EDEM3: variants seen among roughly 807,000 people sequenced by gnomAD.
EDEM3 encodes the protein ER degradation-enhancing alpha-mannosidase-like protein 3.
EDEM3 carries 60 observed loss-of-function variants against 110.2 expected under a neutral mutation model. The ratio of observed to expected loss-of-function variants is 0.54; its 90% confidence interval spans 0.44 to 0.67. The LOEUF is 0.67. EDEM3 is among the 30% of genes least tolerant of loss of function. The pLI, the probability that EDEM3 is intolerant of heterozygous loss-of-function variation, is 0.00. For missense variants in EDEM3, 996 were observed against 1,121.0 expected, an observed-to-expected ratio of 0.89 and a Z score of 1.59; for synonymous variants, 352 against 382.9, an observed-to-expected ratio of 0.92 and a Z score of 0.94.
intron 1 of EDEM3, among the ~76,000 whole-genome samples, chr1:184,753,799 T>G (rs989683373): frequency 1.3e-5 from 2 of 152,236 alleles, no homozygotes; most frequent in Non-Finnish European, 2.9e-5. Context: ...CATTTCCTAC[T>G]GGTTCTTCGC....
intron 2 of EDEM3, among the ~76,000 whole-genome samples, chr1:184,738,153 T>C (rs967321441): frequency 1.3e-5 from 2 of 152,246 alleles, no homozygotes; most frequent in Non-Finnish European, 2.9e-5. Context: ...GTTACAGATG[T>C]ACTCTATTCT....
chr1:184,732,659 A>G (rs1048796937), intron 6 of EDEM3, 178 bp downstream of exon 6: 7 of 624,112 alleles, frequency 1.1e-5, no homozygotes, highest in Non-Finnish European at 1.8e-5. Context: ...TCTAATTATC[A>G]CATCACTTAG....
chr1:184,730,863 G>GAAA (rs758387778), intron 6 of EDEM3, among the ~76,000 whole-genome samples: 2 of 120,736 alleles, frequency 1.7e-5, no homozygotes, highest in Non-Finnish European at 3.6e-5. Flanking sequence ...GGCATGGAAT[G>GAAA]AAAAAAAAAA....
chr1:184,737,521 C>T, intron 3 of EDEM3, 90 bp downstream of exon 3: 1 of 1,204,414 alleles, frequency 8.3e-7, no homozygotes, highest in South Asian at 1.4e-5. Context: ...TTAGCCAATC[C>T]CTAGAAATAT....
At chr1:184,713,187 A>AT (rs1650354029) in intron 13 of EDEM3, among the ~76,000 whole-genome samples, 2 of 152,040 alleles carry the variant, frequency 1.3e-5, no homozygotes, top group Admixed American at 6.6e-5. Flanking sequence ...AATCACTTGA[A>AT]CCCAGGAGAT....
chr1:184,697,113 A>G (rs1256214328), intron 19 of EDEM3, among the ~76,000 whole-genome samples: 1 of 151,922 alleles, frequency 6.6e-6, no homozygotes, highest in Admixed American at 6.6e-5. Flanking sequence ...ATAAATAGTT[A>G]AAATATAATC....
At chr1:184,699,303 C>T (rs1649489245) in intron 19 of EDEM3, among the ~76,000 whole-genome samples, 1 of 151,608 alleles carries the variant, frequency 6.6e-6, no homozygotes, top group East Asian at 1.9e-4. Flanking sequence ...TAAAAGGACA[C>T]CCTTAAATTT....
chr1:184,739,462 G>C (rs1357167692), intron 2 of EDEM3, among the ~76,000 whole-genome samples: 1 of 151,262 alleles, frequency 6.6e-6, no homozygotes, highest in Non-Finnish European at 1.5e-5. Context: ...GGAGAACTTT[G>C]ATATTTCCTT....
intron 6 of EDEM3, 192 bp downstream of exon 6, chr1:184,732,645 C>T (rs1651591948): frequency 3.4e-6 from 2 of 585,988 alleles, no homozygotes; most frequent in Non-Finnish European, 5.6e-6. Flanking sequence ...AAAGCTTAAA[C>T]TAATCTAATT....
intron 6 of EDEM3, among the ~76,000 whole-genome samples, chr1:184,726,613 A>G (rs1651207345): frequency 6.6e-6 from 1 of 152,224 alleles, no homozygotes; most frequent in African/African-American, 2.4e-5. Context: ...ATTTCATTCC[A>G]TCCTCATTGA....
intron 4 of EDEM3, 48 bp from the exon 5 acceptor site, chr1:184,734,691 G>A (rs1651727277): frequency 6.0e-6 from 4 of 671,424 alleles, no homozygotes; most frequent in African/African-American, 3.7e-5. Context: ...CCAAGACAAG[G>A]AGAAACGTTC....
chr1:184,754,291 G>C (rs1026134348), intron 1 of EDEM3, among the ~76,000 whole-genome samples, 198 bp downstream of exon 1: 6 of 152,226 alleles, frequency 3.9e-5, no homozygotes, highest in African/African-American at 1.4e-4. Flanking sequence ...GCGACACCCC[G>C]TCAGCTCCCC....
In EDEM3 at chr1:184,754,689, G is replaced by T. The variant is rs751640454; in HGVS notation, c.-43C>A. ...CACGCGCAGCTGCTACGCCCGGCCG[G>T]TGAGACACATTGCTGGACGCTGGTG... On this transcript the variant is annotated 5_prime_UTR_variant, in exon 1 of 20. Coordinates refer to ENST00000318130, the MANE Select transcript of EDEM3 (RefSeq NM_025191.4). 1.7e-5 allele frequency: 25 copies of T among 1,495,804 alleles called. No homozygotes were observed. Among genetic ancestry groups the T allele is most frequent in the Non-Finnish European group, 2.2e-5 (25 of 1,125,138 alleles). 92.7% of individuals were successfully genotyped at this position (1,495,804 alleles called of 1,614,324 possible).
rs570811935 is a variant in EDEM3, at chr1:184,692,618, T to C, written c.*1445A>G. 8 of 152,244 alleles carry C rather than the reference T, an allele frequency of 5.3e-5. No individual in the cohort carries two copies. Among genetic ancestry groups the C allele is most frequent in the Non-Finnish European group, 8.8e-5 (6 of 67,980 alleles). 9.4% of individuals were successfully genotyped at this position (152,244 alleles called of 1,614,324 possible). ...TGTTATGGTAAAGAGAAGAAAATTATGTCTCTTAAATATTCCTTTAGAACA... is the reference window on the plus strand; with the variant it reads ...TGTTATGGTAAAGAGAAGAAAATTACGTCTCTTAAATATTCCTTTAGAACA... On this transcript the variant is annotated 3_prime_UTR_variant, in exon 20 of 20. Coordinates refer to ENST00000318130, the MANE Select transcript of EDEM3 (RefSeq NM_025191.4).
At chr1:184,747,191 A>G (rs563910526) in intron 2 of EDEM3, among the ~76,000 whole-genome samples, 1 of 152,334 alleles carries the variant, frequency 6.6e-6, no homozygotes, top group South Asian at 2.1e-4. Flanking sequence ...ATAGTCTACA[A>G]TAACTCTTTG....
At chr1:184,749,916 A>C (rs1216469855) in intron 1 of EDEM3, among the ~76,000 whole-genome samples, 1 of 152,120 alleles carries the variant, frequency 6.6e-6, no homozygotes, top group Non-Finnish European at 1.5e-5. Flanking sequence ...AAAAACAATG[A>C]CCTCTTAACA....
At chr1:184,732,707 G>A in intron 6 of EDEM3, 130 bp downstream of exon 6, 1 of 799,006 alleles carries the variant, frequency 1.3e-6, no homozygotes, top group South Asian at 2.3e-5. Context: ...ATATAAATTT[G>A]TTATATAGCT....
rs1447451939 is a variant in EDEM3 at position 184,691,790 on chromosome 1, T to C, written c.*2273A>G. ...TTAACTAGGGAAATATTGAGTATAA[T>C]TCCTTCTGGGTATTAAGAAAAATTG... On this transcript the variant is annotated 3_prime_UTR_variant, in exon 20 of 20. Transcript: ENST00000318130. The C allele has an allele frequency of 2.6e-5, 4 of 152,146 alleles. No homozygotes were observed. Among genetic ancestry groups the C allele is most frequent in the African/African-American group, 4.8e-5 (2 of 41,450 alleles). 9.4% of individuals were successfully genotyped at this position (152,146 alleles called of 1,614,324 possible).
In EDEM3 at chr1:184,748,545, G is replaced by A. The variant is rs147158946; in HGVS notation, c.204+1002C>T. On this transcript the variant is annotated intron_variant, in intron 2 of 19. Coordinates refer to ENST00000318130, the MANE Select transcript of EDEM3 (RefSeq NM_025191.4). ...GAAACTGTGTTTTTAATGTTGAAAT[G>A]TATCCAAAAAAAATCATATCCTAAA... is the stretch of plus-strand genomic sequence containing the variant. Among the ~76,000 whole-genome samples the A allele has an allele frequency of 2.9e-3, 435 of 151,826 alleles. 5 individuals are homozygous for A. The East Asian group carries it at 0.036, about 12-fold the overall frequency.
Sources: allele counts gnomAD v4.1 joint callset (sites outside exome capture counted in the v4.1 genomes callset), GRCh38; gene constraint gnomAD v4.1.1; transcripts MANE v1.5; gene names NCBI Gene and HGNC (gene_info 2026-07-23, HGNC 2026-07-21).